MAML3: variants seen among roughly 807,000 people sequenced by gnomAD.
MAML3 encodes mastermind like transcriptional coactivator 3, also known as mastermind-like protein 3.
Under a neutral mutation model 101.9 loss-of-function variants are expected in MAML3, and 27 were observed. That is an observed-to-expected ratio of 0.27 (90% CI 0.20 to 0.37). The LOEUF is 0.37. Among genes scored for constraint, MAML3 ranks in the 10% least tolerant of loss-of-function variants. The probability of loss-of-function intolerance (pLI) is 1.00; values close to 1 mark genes in which losing one functional copy is unlikely to be tolerated. For missense variants in MAML3, 1,316 were observed against 1,444.9 expected, an observed-to-expected ratio of 0.91 and a Z score of 1.45; for synonymous variants, 501 against 555.9, an observed-to-expected ratio of 0.90 and a Z score of 1.39.
chr4:140,006,773 C>T (rs894702042), intron 1 of MAML3, among the ~76,000 whole-genome samples: 2 of 151,978 alleles, frequency 1.3e-5, no homozygotes, highest in African/African-American at 2.4e-5. Context: ...AATTGATATT[C>T]TATAGTCGTC....
intron 1 of MAML3, among the ~76,000 whole-genome samples, chr4:140,109,916 C>A (rs1450288144): frequency 1.3e-5 from 2 of 152,218 alleles, no homozygotes; most frequent in Non-Finnish European, 2.9e-5. Flanking sequence ...AGAGTAATTA[C>A]CATCTTCCAC....
At chr4:139,823,448 T>A (rs1431190126) in intron 2 of MAML3, among the ~76,000 whole-genome samples, 1 of 152,138 alleles carries the variant, frequency 6.6e-6, no homozygotes, top group Admixed American at 6.5e-5. Flanking sequence ...ACAAAGGCCA[T>A]GAACTGTGAC....
chr4:139,854,960 T>C (rs987357901), intron 2 of MAML3, among the ~76,000 whole-genome samples: 3 of 152,216 alleles, frequency 2.0e-5, no homozygotes, highest in African/African-American at 7.2e-5. Flanking sequence ...CTCCTTCTAT[T>C]TCCTAAATCA....
At chr4:139,901,777 G>A (rs1349263547) in intron 1 of MAML3, among the ~76,000 whole-genome samples, 3 of 152,154 alleles carry the variant, frequency 2.0e-5, no homozygotes, top group Admixed American at 6.5e-5. Flanking sequence ...GGAGGGAGGC[G>A]GGAAGGAGCA....
intron 1 of MAML3, among the ~76,000 whole-genome samples, chr4:140,059,851 C>A (rs1296440026): frequency 1.3e-5 from 2 of 152,066 alleles, no homozygotes; most frequent in Admixed American, 1.3e-4. Flanking sequence ...AAATATGCAT[C>A]TTTTTCAAAA....
intron 1 of MAML3, among the ~76,000 whole-genome samples, chr4:139,894,555 GAAAGAAAGAAAAGT>G (rs1176650604): frequency 6.8e-6 from 1 of 146,652 alleles, no homozygotes; most frequent in Non-Finnish European, 1.5e-5. Context: ...AAGAAAGAAA[GAAAGAAAGAAAAGT>G]AAACAGAGTA....
At chr4:139,897,487 G>A (rs1218096881) in intron 1 of MAML3, among the ~76,000 whole-genome samples, 5 of 152,026 alleles carry the variant, frequency 3.3e-5, no homozygotes, top group Admixed American at 6.5e-5. Flanking sequence ...TTGTGCTTTC[G>A]GGGATCTTCC....
chr4:139,918,476 C>T (rs746813707), intron 1 of MAML3, among the ~76,000 whole-genome samples: 5 of 152,224 alleles, frequency 3.3e-5, no homozygotes, highest in Non-Finnish European at 7.3e-5. Context: ...TTTCAGCTCA[C>T]ATCTCTCCCC....
At chr4:139,911,470 G>A (rs1427774503) in intron 1 of MAML3, among the ~76,000 whole-genome samples, 3 of 152,198 alleles carry the variant, frequency 2.0e-5, no homozygotes, top group East Asian at 1.9e-4. Flanking sequence ...TGCCCACTTC[G>A]GTCTCCCAAA....
intron 2 of MAML3, among the ~76,000 whole-genome samples, chr4:139,814,453 C>T (rs1262923457): frequency 1.3e-5 from 2 of 152,144 alleles, no homozygotes; most frequent in East Asian, 1.9e-4. Flanking sequence ...GAAGGTGACT[C>T]GAGTGTGTTT....
At chr4:139,902,957 T>C (rs1478097577) in intron 1 of MAML3, among the ~76,000 whole-genome samples, 2 of 152,126 alleles carry the variant, frequency 1.3e-5, no homozygotes, top group Non-Finnish European at 2.9e-5. Context: ...CAAGACTTCA[T>C]CGTGATCCAC....
chr4:139,964,636 T>G (rs1324818722), intron 1 of MAML3, among the ~76,000 whole-genome samples: 1 of 152,216 alleles, frequency 6.6e-6, no homozygotes, highest in Non-Finnish European at 1.5e-5. Context: ...GCCACATGTC[T>G]AGTTCTCCAC....
At chr4:139,780,813 A>T (rs1441798895) in intron 2 of MAML3, among the ~76,000 whole-genome samples, 1 of 152,040 alleles carries the variant, frequency 6.6e-6, no homozygotes, top group African/African-American at 2.4e-5. Flanking sequence ...TATTTTTAGC[A>T]GAGACGGGTT....
intron 2 of MAML3, among the ~76,000 whole-genome samples, chr4:139,811,156 A>G (rs1730789902): frequency 6.6e-6 from 1 of 152,246 alleles, no homozygotes; most frequent in Non-Finnish European, 1.5e-5. Flanking sequence ...TACATGAGGA[A>G]AATGAAACTT....
intron 2 of MAML3, among the ~76,000 whole-genome samples, chr4:139,808,175 A>G (rs1730733068): frequency 6.6e-6 from 1 of 152,230 alleles, no homozygotes; most frequent in Non-Finnish European, 1.5e-5. Context: ...TATTTTCATA[A>G]CATAACAGTG....
intron 1 of MAML3, among the ~76,000 whole-genome samples, chr4:140,102,101 A>G (rs1359799904): frequency 6.6e-6 from 1 of 152,204 alleles, no homozygotes; most frequent in Non-Finnish European, 1.5e-5. Flanking sequence ...CTAAGTACTC[A>G]GCAAAAAGCT....
At chr4:140,032,968 T>G (rs1726931838) in intron 1 of MAML3, among the ~76,000 whole-genome samples, 1 of 152,198 alleles carries the variant, frequency 6.6e-6, no homozygotes. Context: ...GGTGATTTTT[T>G]TCTTTCTGGT....
chr4:139,888,570 A>G (rs771740517), intron 2 of MAML3: 1 of 519,014 alleles, frequency 1.9e-6, no homozygotes, highest in Admixed American at 1.9e-5. Flanking sequence ...AAAGCTTGTC[A>G]ATGACTATTC....
At chr4:139,958,729 A>T (rs1431681332) in intron 1 of MAML3, among the ~76,000 whole-genome samples, 3 of 152,204 alleles carry the variant, frequency 2.0e-5, no homozygotes, top group Non-Finnish European at 4.4e-5. Flanking sequence ...TGTGGTCCAT[A>T]GAACTCCACC....
Sources: allele counts gnomAD v4.1 joint callset (sites outside exome capture counted in the v4.1 genomes callset), GRCh38; gene constraint gnomAD v4.1.1; transcripts MANE v1.5; gene names NCBI Gene and HGNC (gene_info 2026-07-23, HGNC 2026-07-21).